The following UBE2J2 variants were observed in gnomAD, a reference collection of about 807,000 sequenced individuals.
The protein encoded by UBE2J2 is ubiquitin conjugating enzyme E2 J2.
A neutral mutation model predicts 28.6 loss-of-function variants in UBE2J2; 5 were observed. That is an observed-to-expected ratio of 0.17 (90% CI 0.09 to 0.37). The LOEUF (loss-of-function observed/expected upper bound fraction) is 0.37, where lower values mean the gene tolerates loss of function less well. UBE2J2 is among the 10% of genes least tolerant of loss of function. UBE2J2 has a pLI of 1.00. For synonymous variants in UBE2J2, 138 were observed against 139.7 expected (o/e 0.99, Z 0.09); for missense variants, 226 against 338.9 (o/e 0.67, Z 2.62).
intron 3 of UBE2J2, among the ~76,000 whole-genome samples, chr1:1,261,151 G>C (rs1639535398): frequency 6.6e-6 from 1 of 152,252 alleles, no homozygotes. Flanking sequence ...GCAATTCGGA[G>C]GGGTTCCCTG....
At chr1:1,258,954 GCC>G (rs1424066253) in intron 3 of UBE2J2, among the ~76,000 whole-genome samples, 4 of 152,268 alleles carry the variant, frequency 2.6e-5, no homozygotes, top group African/African-American at 9.6e-5. Context: ...AAGTGCACAA[GCC>G]AGGACTCCCT....
In UBE2J2 at chr1:1,257,019, C is replaced by T. The variant is rs1639225363; in HGVS notation, c.387G>A (p.Leu129=). Residue 129 remains leucine (L), a synonymous_variant, in exon 5 of 7, where the codon CTG becomes CTA. Transcript: ENST00000349431. ...TGAAGTCCGACGTCTCTATACTGCC[C>T]AGGGTGGGGCCCTTCTCCACCATGA... ...LSFMVEKGPT[L]GSIETSDFTK... The T allele has an allele frequency of 6.2e-7, 1 of 1,608,792 alleles. No individual in the cohort carries two copies.
Position 1,254,276 on chromosome 1 carries a change from C to T in UBE2J2, c.*927G>A, listed in dbSNP as rs1333645877. On this transcript the variant is annotated 3_prime_UTR_variant, in exon 7 of 7. Coordinates refer to ENST00000349431, the MANE Select transcript of UBE2J2 (RefSeq NM_058167.3). ...GCCATGTTCCGTGGACAGCGAACAC[C>T]CGGGCCGGAGCCATTACCTACTGTG... 6.6e-6 allele frequency: 1 copy of T among 152,236 alleles called. No individual in the cohort carries two copies. The highest frequency in any genetic ancestry group is 1.5e-5 in the Non-Finnish European group (1 of 68,038). The allele number at this position is 152,236 out of a possible 1,614,324, so 9.4% of individuals were successfully genotyped here. A position where few individuals can be genotyped will look rare whatever the true frequency, so the allele number is the denominator to read the frequency against.
chr1:1,272,696 T>G (rs1383968528), intron 1 of UBE2J2, among the ~76,000 whole-genome samples: 3 of 152,166 alleles, frequency 2.0e-5, no homozygotes, highest in African/African-American at 7.2e-5. Context: ...CCTACCTGCC[T>G]GGCTCACCTG....
chr1:1,271,110 G>A (rs1557569775), intron 1 of UBE2J2, among the ~76,000 whole-genome samples: 1 of 152,228 alleles, frequency 6.6e-6, no homozygotes, highest in Admixed American at 6.5e-5. Context: ...GGCCCTTCTG[G>A]GCCCCAGCGG....
At chr1:1,264,751 T>C (rs1639750400) in intron 2 of UBE2J2, 1 of 152,066 alleles carries the variant, frequency 6.6e-6, no homozygotes, top group Non-Finnish European at 1.5e-5. Context: ...CTATTAAAAA[T>C]ACAAAAATTA....
rs748548150 is a variant in UBE2J2, at chr1:1,256,101, A to C, written c.439T>G (p.Leu147Val). Residue 147 changes from leucine (L) to valine (V), a missense_variant, in exon 6 of 7, where the codon TTA becomes GTA. Physicochemically the swap from Leu to Val is conservative, Grantham distance 32. Coordinates refer to ENST00000349431, the MANE Select transcript of UBE2J2 (RefSeq NM_058167.3). ...FTKRQLAVQSLAFNLKDKVFC... is the reference protein window; with the variant it reads ...FTKRQLAVQSVAFNLKDKVFC... Reference sequence around the variant, plus strand: ...ACTTTATCTTTCAAATTAAATGCTAAACTCTGCACTGCCAGTTGTCTTTTC... The same window carrying C: ...ACTTTATCTTTCAAATTAAATGCTACACTCTGCACTGCCAGTTGTCTTTTC... 6.2e-7 allele frequency: 1 copy of C among 1,613,324 alleles called. No homozygotes were observed. The highest frequency in any genetic ancestry group is 8.5e-7 in the Non-Finnish European group (1 of 1,179,448).
intron 2 of UBE2J2, 163 bp from the exon 3 acceptor site, chr1:1,263,549 C>A: frequency 1.5e-6 from 1 of 658,064 alleles, no homozygotes; most frequent in East Asian, 2.6e-5. Context: ...GCTTCAAAAC[C>A]CCCGTCTCTT....
intron 1 of UBE2J2, among the ~76,000 whole-genome samples, chr1:1,271,992 A>ATAAAAT (rs1640173317): frequency 6.7e-6 from 1 of 148,204 alleles, no homozygotes; most frequent in African/African-American, 2.5e-5. Flanking sequence ...AAAAAAAAAA[A>ATAAAAT]AAAAAAAAAA....
At chr1:1,257,464 T>C (rs1387330128) in intron 3 of UBE2J2, among the ~76,000 whole-genome samples, 154 bp from the exon 4 acceptor site, 7 of 131,442 alleles carry the variant, frequency 5.3e-5, no homozygotes, top group Non-Finnish European at 1.1e-4. Context: ...GCTCCCAGGC[T>C]CAGTCCCCCA....
intron 3 of UBE2J2, among the ~76,000 whole-genome samples, chr1:1,259,984 C>G (rs955244242): frequency 6.6e-6 from 1 of 152,208 alleles, no homozygotes; most frequent in East Asian, 1.9e-4. Flanking sequence ...TCACTAGGGG[C>G]TGCTCTCCCT....
chr1:1,260,826 C>T (rs572221129), intron 3 of UBE2J2, among the ~76,000 whole-genome samples: 98 of 152,346 alleles, frequency 6.4e-4, no homozygotes, highest in African/African-American at 2.0e-3. Flanking sequence ...TGTTCTAGGT[C>T]CTTTGCCTTT....
intron 2 of UBE2J2, 26 bp from the exon 3 acceptor site, chr1:1,263,412 G>A: frequency 6.2e-7 from 1 of 1,607,184 alleles, no homozygotes. Context: ...AAATTACTTG[G>A]GATTTGAGGA....
At chr1:1,261,294 C>G (rs1262003464) in intron 3 of UBE2J2, among the ~76,000 whole-genome samples, 1 of 152,210 alleles carries the variant, frequency 6.6e-6, no homozygotes, top group Non-Finnish European at 1.5e-5. Context: ...CACACATTCT[C>G]TCTCTGAAGG....
At chr1:1,262,056 C>T (rs947604788) in intron 3 of UBE2J2, 4 of 255,296 alleles carry the variant, frequency 1.6e-5, no homozygotes, top group Non-Finnish European at 3.2e-5. Flanking sequence ...GGGGTTTCTC[C>T]GTGTTGGTCA....
intron 1 of UBE2J2, 46 bp downstream of exon 1, chr1:1,273,620 G>A (rs942385375): frequency 3.8e-4 from 57 of 151,610 alleles, no homozygotes; most frequent in African/African-American, 1.3e-3. Flanking sequence ...CGGCAGGGGG[G>A]ACGAGCGGGC....
rs1220703875 is a variant in UBE2J2 at position 1,272,719 on chromosome 1, G to A, written c.-1+947C>T. ...CCTGGCTCACCTGCCTGTCACTCAC[G>A]CACATCCCTGCCGAGAGTGGAACTG... On this transcript the variant is annotated intron_variant, in intron 1 of 6. Coordinates refer to ENST00000349431, the MANE Select transcript of UBE2J2 (RefSeq NM_058167.3). The A allele has an allele frequency of 2.1e-5, 4 of 187,382 alleles. No individual in the cohort carries two copies. The East Asian group carries it at 5.2e-4, about 24-fold the overall frequency. 11.6% of individuals were successfully genotyped at this position (187,382 alleles called of 1,614,324 possible).
rs1640074648 is a variant in UBE2J2 at position 1,270,135 on chromosome 1, A to C, written c.1-2143T>G. 2.0e-5 allele frequency among the ~76,000 whole-genome samples: 3 copies of C among 152,050 alleles called. No homozygotes were observed. The South Asian group carries it at 6.2e-4, about 32-fold the overall frequency. On this transcript the variant is annotated intron_variant, in intron 1 of 6. Coordinates refer to ENST00000349431, the MANE Select transcript of UBE2J2 (RefSeq NM_058167.3). ...CCTCTTCCCCTTCCGCCATGATTGT[A>C]AGTTTCCTGAGGCCTCCCTGGCCAC... is the stretch of plus-strand genomic sequence containing the variant.
rs143320265 is a variant in UBE2J2, at chr1:1,266,225, C to T, written c.131+1637G>A. ...CCTGGGCTGGGCCTCCTCTGTGAGC[C>T]AGAGAAGGTGGACCCCTGACCAAGC... On this transcript the variant is annotated intron_variant, in intron 2 of 6. Transcript: ENST00000349431. The T allele has an allele frequency of 4.1e-5, 50 of 1,220,376 alleles. No homozygotes were observed. The East Asian group carries it at 2.1e-3, about 52-fold the overall frequency. The allele number at this position is 1,220,376 out of a possible 1,614,324, so 75.6% of individuals were successfully genotyped here.
Sources: allele counts gnomAD v4.1 joint callset (sites outside exome capture counted in the v4.1 genomes callset), GRCh38; gene constraint gnomAD v4.1.1; transcripts MANE v1.5; gene names NCBI Gene and HGNC (gene_info 2026-07-23, HGNC 2026-07-21).